The following TMEM132C variants were observed in gnomAD, a reference collection of about 807,000 sequenced individuals.
The protein encoded by TMEM132C is transmembrane protein 132C.
A neutral mutation model predicts 61.4 loss-of-function variants in TMEM132C; 29 were observed. The observed-to-expected ratio is 0.47, with a 90% confidence interval of 0.35 to 0.64. The LOEUF (loss-of-function observed/expected upper bound fraction) is 0.64. TMEM132C is among the 30% of genes least tolerant of loss of function. TMEM132C has a pLI of 0.00. For synonymous variants in TMEM132C, 656 were observed against 633.1 expected, an observed-to-expected ratio of 1.04 and a Z score of -0.54; for missense variants, 1,408 against 1,476.9, an observed-to-expected ratio of 0.95 and a Z score of 0.76.
chr12:128,392,050 CTG>C (rs1184656582), intron 1 of TMEM132C, among the ~76,000 whole-genome samples: 7 of 125,294 alleles, frequency 5.6e-5, no homozygotes, highest in African/African-American at 1.3e-4. Flanking sequence ...CTCTCTGTCT[CTG>C]TCTCTCTCTC....
chr12:128,298,568 C>T (rs1245348842), intron 1 of TMEM132C, among the ~76,000 whole-genome samples: 1 of 152,230 alleles, frequency 6.6e-6, no homozygotes, highest in Non-Finnish European at 1.5e-5. Flanking sequence ...CGGCAGGTGC[C>T]TGCATAATTC....
At chr12:128,457,575 C>CAA (rs61228190) in intron 2 of TMEM132C, among the ~76,000 whole-genome samples, 8 of 89,146 alleles carry the variant, frequency 9.0e-5, no homozygotes, top group South Asian at 3.5e-4. Context: ...GACTCCATCT[C>CAA]AAAAAAAAAA....
In TMEM132C at chr12:128,615,892, C is replaced by A. The variant is rs374087881; in HGVS notation, c.1122-260C>A. ...TCTGCAGAGCTGGTAATAATCATTC[C>A]AAGGCCTCATCAACACAGACACAGG... On this transcript the variant is annotated intron_variant, in intron 3 of 8. Coordinates refer to ENST00000435159, the MANE Select transcript of TMEM132C (RefSeq NM_001136103.3). Among the ~76,000 whole-genome samples the A allele has an allele frequency of 4.6e-5, 7 of 152,270 alleles. No individual in the cohort carries two copies. In the East Asian group the frequency reaches 1.4e-3, roughly 29 times the overall value.
chr12:128,393,569 G>A (rs187352274), intron 1 of TMEM132C, among the ~76,000 whole-genome samples: 25 of 152,246 alleles, frequency 1.6e-4, no homozygotes, highest in African/African-American at 5.8e-4. Flanking sequence ...ATATATGTGC[G>A]TCCAACATCT....
chr12:128,529,376 A>C (rs1440500004), intron 2 of TMEM132C, among the ~76,000 whole-genome samples: 1 of 152,194 alleles, frequency 6.6e-6, no homozygotes, highest in Non-Finnish European at 1.5e-5. Context: ...GTTCAAGGAC[A>C]CAATCAGATA....
chr12:128,325,839 G>A (rs75064986), intron 1 of TMEM132C, among the ~76,000 whole-genome samples: 22 of 152,222 alleles, frequency 1.4e-4, no homozygotes, highest in Non-Finnish European at 2.6e-4. Flanking sequence ...CCCAGTAAGA[G>A]GATTTCAGTG....
chr12:128,360,276 A>ACC lies in TMEM132C; in HGVS notation c.86-54455_86-54454insCC, dbSNP rs1326448628. Among the ~76,000 whole-genome samples the ACC allele has an allele frequency of 2.9e-3, 394 of 133,996 alleles. 1 individual carries two copies. The highest frequency in any genetic ancestry group is 9.9e-3 in the African/African-American group (376 of 38,056). 87.9% of individuals were successfully genotyped at this position (133,996 alleles called of 152,430 possible). On this transcript the variant is annotated intron_variant, in intron 1 of 8. Transcript: ENST00000435159. ...CACACACACACACACACACACACAC[A>ACC]CACACCCCAGGATAACAGAGAGAGA...
chr12:128,518,761 G>A (rs1449810923), intron 2 of TMEM132C, among the ~76,000 whole-genome samples: 3 of 151,952 alleles, frequency 2.0e-5, no homozygotes, highest in Non-Finnish European at 2.9e-5. Flanking sequence ...TGTGTGGTGT[G>A]TGTGTGTGTG....
chr12:128,331,675 C>T (rs1057046670), intron 1 of TMEM132C, among the ~76,000 whole-genome samples: 5 of 152,260 alleles, frequency 3.3e-5, no homozygotes, highest in Non-Finnish European at 7.4e-5. Context: ...ATCATTCATT[C>T]ATGGGTAGTT....
chr12:128,313,448 C>T lies in TMEM132C; in HGVS notation c.85+45961C>T, dbSNP rs532207805. The stretch of plus-strand genomic sequence containing the variant: ...CCACCCTGAGGCAGACCGGAGGCCC[C>T]GCAGCACTCAGAATTCTTTTCCCAA... On this transcript the variant is annotated intron_variant, in intron 1 of 8. Coordinates refer to ENST00000435159, the MANE Select transcript of TMEM132C (RefSeq NM_001136103.3). Among the ~76,000 whole-genome samples the T allele has an allele frequency of 2.6e-4, 40 of 152,250 alleles. No homozygotes were observed. The East Asian group carries it at 7.2e-3, about 27-fold the overall frequency.
At chr12:128,288,556 G>A (rs1460271439) in intron 1 of TMEM132C, 2 of 152,132 alleles carry the variant, frequency 1.3e-5, no homozygotes, top group African/African-American at 4.8e-5. Context: ...CAGCCACATG[G>A]GCACAGCTGT....
chr12:128,667,667 G>C (rs1019787723), intron 4 of TMEM132C, among the ~76,000 whole-genome samples: 2 of 152,204 alleles, frequency 1.3e-5, no homozygotes, highest in Non-Finnish European at 2.9e-5. Context: ...CACCAGAGCA[G>C]TGTTTCTGGA....
intron 1 of TMEM132C, among the ~76,000 whole-genome samples, chr12:128,358,372 A>G (rs1873586131): frequency 6.6e-6 from 1 of 152,214 alleles, no homozygotes; most frequent in Non-Finnish European, 1.5e-5. Context: ...ATGAACTGTC[A>G]AGCAAAACCA....
intron 1 of TMEM132C, among the ~76,000 whole-genome samples, chr12:128,317,741 C>T (rs1872198819): frequency 6.6e-6 from 1 of 152,106 alleles, no homozygotes; most frequent in Admixed American, 6.5e-5. Context: ...AAAAATTAGC[C>T]AGTCTTGGTG....
intron 1 of TMEM132C, among the ~76,000 whole-genome samples, chr12:128,285,831 CCCCA>C (rs1428182212): frequency 2.5e-5 from 2 of 78,666 alleles, no homozygotes; most frequent in East Asian, 7.8e-4. Flanking sequence ...TTCTCTCTCT[CCCCA>C]TCTCTATCCC....
At chr12:128,373,273 G>T (rs990187620) in intron 1 of TMEM132C, among the ~76,000 whole-genome samples, 2 of 152,074 alleles carry the variant, frequency 1.3e-5, no homozygotes, top group African/African-American at 4.8e-5. Flanking sequence ...GAGTGGAGCT[G>T]GTCCTCTCTG....
Position 128,694,036 on chromosome 12 carries a change from T to C in TMEM132C, c.1655+2T>C, listed in dbSNP as rs1389920892. 4 of 1,551,300 alleles carry C rather than the reference T, an allele frequency of 2.6e-6. No homozygotes were observed. Among genetic ancestry groups the C allele is most frequent in the Non-Finnish European group, 3.5e-6 (4 of 1,146,892 alleles). The stretch of plus-strand genomic sequence containing the variant: ...GGTCCCCATTGTGACCAATAAGAGG[T>C]GAGCCTCGGATGGGGAGATGCCCTA... On this transcript the variant is annotated splice_donor_variant, in intron 6 of 8. Coordinates refer to ENST00000435159, the MANE Select transcript of TMEM132C (RefSeq NM_001136103.3). LOFTEE classifies it high-confidence loss of function.
At chr12:128,441,340 A>G (rs1436530022) in intron 2 of TMEM132C, among the ~76,000 whole-genome samples, 1 of 152,218 alleles carries the variant, frequency 6.6e-6, no homozygotes, top group Non-Finnish European at 1.5e-5. Flanking sequence ...CAGTGAGCCC[A>G]GATTCTGGCT....
chr12:128,471,706 A>C (rs1301569865), intron 2 of TMEM132C, among the ~76,000 whole-genome samples: 1 of 152,160 alleles, frequency 6.6e-6, no homozygotes, highest in Admixed American at 6.5e-5. Flanking sequence ...AAATCACTTG[A>C]CTTCTCTGTG....
Sources: allele counts gnomAD v4.1 joint callset (sites outside exome capture counted in the v4.1 genomes callset), GRCh38; gene constraint gnomAD v4.1.1; transcripts MANE v1.5; gene names NCBI Gene and HGNC (gene_info 2026-07-23, HGNC 2026-07-21).